Variants in NEBL observed in about 807,000 individuals in gnomAD.
NEBL encodes nebulette.
NEBL carries 122 observed loss-of-function variants against 140.2 expected under a neutral mutation model. The ratio of observed to expected loss-of-function variants is 0.87; its 90% CI spans 0.75 to 1.01. The LOEUF (loss-of-function observed/expected upper bound fraction) is 1.01, where lower values mean the gene tolerates loss of function less well. Ranked by LOEUF, NEBL falls within the 50% of genes least tolerant of loss-of-function variation. NEBL has a pLI of 0.00. For synonymous variants in NEBL, 436 were observed against 398.9 expected (o/e 1.09, Z -1.11); for missense variants, 1,365 against 1,231.3 (o/e 1.11, Z -1.62).
At chr10:21,134,218 T>A (rs1244269117) in intron 2 of NEBL, among the ~76,000 whole-genome samples, 7 of 149,914 alleles carry the variant, frequency 4.7e-5, no homozygotes, top group Admixed American at 1.3e-4. Context: ...AGAGTGAGAC[T>A]CCATCTCAAG....
chr10:21,275,807 A>AT (rs959684198), intron 1 of NEBL, among the ~76,000 whole-genome samples: 13,356 of 113,786 alleles, frequency 0.12, 954 homozygotes, highest in African/African-American at 0.2. Flanking sequence ...CACCCAGCTA[A>AT]TTTTTTTTTT....
At chr10:20,924,034 G>A (rs1259232445) in intron 4 of NEBL, among the ~76,000 whole-genome samples, 2 of 152,072 alleles carry the variant, frequency 1.3e-5, no homozygotes, top group Non-Finnish European at 2.9e-5. Flanking sequence ...AGGTCCCCAG[G>A]ATTTGAAGAG....
chr10:20,913,106 ATACT>A lies in NEBL; in HGVS notation c.357+48562_357+48565del, dbSNP rs1328392101. ...GGGTGAAATAGGCTTAGGGAGGAAC[ATACT>A]GAGTCTGAAATAGAACATCCAGGTG... On this transcript the variant is annotated intron_variant, in intron 4 of 6. Transcript: ENST00000417816. Among the ~76,000 whole-genome samples, 4 of 152,080 alleles carry A rather than the reference ATACT, an allele frequency of 2.6e-5. No individual in the cohort carries two copies. In the East Asian group the frequency reaches 7.7e-4, roughly 29 times the overall value.
At chr10:21,227,057 T>G (rs554890694) in intron 3 of NEBL, among the ~76,000 whole-genome samples, 101 of 152,320 alleles carry the variant, frequency 6.6e-4, no homozygotes, top group South Asian at 4.1e-3. Flanking sequence ...TATATTTTCT[T>G]ATAAAATAGC....
intron 2 of NEBL, among the ~76,000 whole-genome samples, chr10:21,133,829 A>G (rs147081744): frequency 5.6e-4 from 86 of 152,244 alleles, no homozygotes; most frequent in African/African-American, 1.9e-3. Flanking sequence ...CGAGAACCTT[A>G]AGGAGCTTAG....
intron 26 of NEBL, among the ~76,000 whole-genome samples, chr10:20,803,085 C>T (rs961992777): frequency 5.9e-5 from 9 of 152,142 alleles, no homozygotes; most frequent in Non-Finnish European, 1.0e-4. Context: ...CACACCCCAC[C>T]TCGACCACAA....
At chr10:21,068,954 TCACG>T in intron 2 of NEBL, among the ~76,000 whole-genome samples, 1 of 152,298 alleles carries the variant, frequency 6.6e-6, no homozygotes, top group Non-Finnish European at 1.5e-5. Flanking sequence ...AGTGGCAAGA[TCACG>T]GCTCACTGCA....
intron 2 of NEBL, chr10:21,029,172 T>C (rs1173213259): frequency 1.5e-6 from 2 of 1,349,956 alleles, no homozygotes; most frequent in East Asian, 4.6e-5. Context: ...GACACAGTAA[T>C]GATAACAATG....
intron 10 of NEBL, among the ~76,000 whole-genome samples, chr10:20,850,876 T>C (rs1480965893): frequency 2.0e-5 from 3 of 152,212 alleles, no homozygotes; most frequent in Non-Finnish European, 4.4e-5. Flanking sequence ...TGAGGTTGCA[T>C]TGATGTCTAT....
intron 3 of NEBL, among the ~76,000 whole-genome samples, chr10:21,213,965 G>A (rs1325931479): frequency 1.3e-5 from 2 of 151,976 alleles, no homozygotes; most frequent in Non-Finnish European, 2.9e-5. Context: ...TGTAAGTATC[G>A]GCTGGTAAAG....
chr10:21,042,159 C>T (rs1035696278), intron 2 of NEBL, among the ~76,000 whole-genome samples: 2 of 152,172 alleles, frequency 1.3e-5, no homozygotes, highest in Non-Finnish European at 1.5e-5. Flanking sequence ...GCACTTAGTA[C>T]GGTGCTAGGT....
chr10:21,207,939 G>C (rs1841855482), intron 3 of NEBL, among the ~76,000 whole-genome samples: 1 of 152,168 alleles, frequency 6.6e-6, no homozygotes, highest in Non-Finnish European at 1.5e-5. Flanking sequence ...TGATCCCAAA[G>C]AATCCAGCGT....
intron 4 of NEBL, among the ~76,000 whole-genome samples, chr10:20,932,429 G>A (rs759691936): frequency 1.1e-4 from 17 of 152,092 alleles, no homozygotes; most frequent in Non-Finnish European, 1.9e-4. Context: ...CTGGGGGGTG[G>A]GGGAGAAAGG....
chr10:21,124,823 T>C (rs1264591455), intron 2 of NEBL, among the ~76,000 whole-genome samples: 4 of 152,180 alleles, frequency 2.6e-5, no homozygotes, highest in African/African-American at 7.2e-5. Flanking sequence ...TGGCCAGGCA[T>C]GGTGCCATGC....
intron 2 of NEBL, among the ~76,000 whole-genome samples, chr10:21,041,834 GTTCC>G (rs2131832221): frequency 6.6e-6 from 1 of 152,288 alleles, no homozygotes; most frequent in East Asian, 1.9e-4. Context: ...AGAACTGAGG[GTTCC>G]TCCCCACTTT....
At chr10:20,895,784 C>T (rs1847422804) in intron 2 of NEBL, among the ~76,000 whole-genome samples, 1 of 152,152 alleles carries the variant, frequency 6.6e-6, no homozygotes, top group Non-Finnish European at 1.5e-5. Flanking sequence ...AAGAGCCAGT[C>T]ATATCTAAAT....
chr10:21,216,167 T>C (rs1328508020), intron 3 of NEBL, among the ~76,000 whole-genome samples: 1 of 152,154 alleles, frequency 6.6e-6, no homozygotes, highest in African/African-American at 2.4e-5. Context: ...CCACGAGTTG[T>C]CTACAGAGTG....
intron 3 of NEBL, among the ~76,000 whole-genome samples, chr10:21,190,648 G>T (rs1213294503): frequency 6.6e-6 from 1 of 151,988 alleles, no homozygotes; most frequent in Non-Finnish European, 1.5e-5. Flanking sequence ...ATGCAACTTG[G>T]GTGTTATAAT....
intron 2 of NEBL, among the ~76,000 whole-genome samples, chr10:21,054,545 T>C (rs964654207): frequency 2.0e-5 from 3 of 152,260 alleles, no homozygotes; most frequent in African/African-American, 7.2e-5. Flanking sequence ...AAGCTTTTTC[T>C]GTTTTCTTTG....
Sources: allele counts gnomAD v4.1 joint callset (sites outside exome capture counted in the v4.1 genomes callset), GRCh38; gene constraint gnomAD v4.1.1; transcripts MANE v1.5; gene names NCBI Gene and HGNC (gene_info 2026-07-23, HGNC 2026-07-21).